The following FN1 variants were observed in gnomAD, a reference collection of about 807,000 sequenced individuals.
FN1 encodes the protein fibronectin.
In FN1, 106 loss-of-function variants were observed where a neutral mutation model predicts 297.3. The observed-to-expected ratio is 0.36, with a 90% confidence interval of 0.30 to 0.42. The LOEUF (loss-of-function observed/expected upper bound fraction) is 0.42. FN1 is among the 10% of genes least tolerant of loss of function. The pLI, the probability that FN1 is intolerant of heterozygous loss-of-function variation, is 1.00. For synonymous variants in FN1, 1,149 were observed against 1,152.6 expected (o/e 1.00, Z 0.06); for missense variants, 2,690 against 3,124.9 (o/e 0.86, Z 3.32).
intron 30 of FN1, 128 bp downstream of exon 30, chr2:215,383,892 T>C (rs2058554689): frequency 2.0e-6 from 2 of 997,300 alleles, no homozygotes; most frequent in South Asian, 1.4e-5. Flanking sequence ...CTGCAGGTGC[T>C]AGCTGCAGGT....
rs975542251 is a variant in FN1, at chr2:215,383,276, G to A, written c.5050+52C>T. On this transcript the variant is annotated intron_variant, in intron 31 of 45. Transcript: ENST00000354785. ...GCCCGCATCAGCCTCCCAAAGTTCT[G>A]GGATTATAGGAGTGAGCCACCGCAC... 1.9e-6 allele frequency: 3 copies of A among 1,587,572 alleles called. No individual in the cohort carries two copies. In the African/African-American group the frequency reaches 4.0e-5, roughly 21 times the overall value.
At chr2:215,401,224 A>AAGAC (rs2061015746) in intron 20 of FN1, among the ~76,000 whole-genome samples, 1 of 60,880 alleles carries the variant, frequency 1.6e-5, no homozygotes, top group African/African-American at 6.5e-5. Context: ...GAAAGAAAGA[A>AAGAC]AGAAAGAAAG....
intron 13 of FN1, among the ~76,000 whole-genome samples, chr2:215,412,520 TC>T (rs2062803776): frequency 6.6e-6 from 1 of 152,098 alleles, no homozygotes; most frequent in Non-Finnish European, 1.5e-5. Flanking sequence ...CACTGCAACT[TC>T]CGCCTCTCAA....
chr2:215,404,480 C>T lies in FN1; in HGVS notation c.3162G>A (p.Arg1054=), dbSNP rs1233768707. ...TGTACTCAGATGCAGGCTGCAGATT[C>T]CTCAGTGGGTACTTGGAGACAGAGG... The part of the protein sequence containing the change: ...VGPSVSKYPL[R]NLQPASEYTV... The change falls in exon 20 of 46, where the codon AGG becomes AGA. Residue 1054 remains arginine (R), a synonymous_variant. Transcript: ENST00000354785. 3.1e-6 allele frequency: 5 copies of T among 1,614,036 alleles called. No individual in the cohort carries two copies. In the Admixed American group the frequency reaches 5.0e-5, roughly 16 times the overall value.
intron 28 of FN1, 33 bp downstream of exon 28, chr2:215,386,656 C>A (rs775169169): frequency 7.9e-6 from 12 of 1,513,682 alleles, no homozygotes; most frequent in Middle Eastern, 1.9e-4. Context: ...GTAGGAAAGT[C>A]TTCTGAGTTT....
chr2:215,373,240 G>T, intron 39 of FN1, 82 bp downstream of exon 39: 1 of 1,075,764 alleles, frequency 9.3e-7, no homozygotes, highest in Non-Finnish European at 1.4e-6. Flanking sequence ...AAAACATGGA[G>T]AACCTTTTCA....
At chr2:215,429,378 T>C (rs2106500447) in intron 5 of FN1, among the ~76,000 whole-genome samples, 1 of 152,344 alleles carries the variant, frequency 6.6e-6, no homozygotes, top group South Asian at 2.1e-4. Context: ...AAATAGATTA[T>C]TTAAATTATA....
intron 44 of FN1, chr2:215,363,212 A>G (rs2053852068): frequency 6.6e-6 from 1 of 152,168 alleles, no homozygotes; most frequent in African/African-American, 2.4e-5. Flanking sequence ...ACTTGAGAAT[A>G]GAATAAGTGT....
At position 215,386,972 on chromosome 2, in the gene FN1, C is replaced by T; in HGVS notation, c.4343-14G>A. The T allele has an allele frequency of 2.5e-6, 4 of 1,606,342 alleles. No individual in the cohort carries two copies. The South Asian group carries it at 4.4e-5, about 18-fold the overall frequency. The stretch of plus-strand genomic sequence containing the variant: ...GGGAATCAAGACCTGTTTTTCCCAC[C>T]CGGGGGAGGAAGAGAAAAAAAAAAG... On this transcript the variant is annotated splice_polypyrimidine_tract_variant and intron_variant, in intron 27 of 45. Coordinates refer to ENST00000354785, the MANE Select transcript of FN1 (RefSeq NM_212482.4).
At chr2:215,401,092 G>C (rs1012939008) in intron 20 of FN1, among the ~76,000 whole-genome samples, 3 of 89,326 alleles carry the variant, frequency 3.4e-5, no homozygotes, top group Middle Eastern at 5.4e-3. Context: ...CATCACACCT[G>C]GCCAAAAAAA....
In FN1 at chr2:215,391,671, A is replaced by C. The variant is rs138759645; in HGVS notation, c.4213T>G (p.Leu1405Val). Residue 1405 changes from leucine to valine, a missense_variant, in exon 26 of 46, where the codon TTG (leucine) becomes GTG (valine). Leu to Val is a conservative substitution (Grantham distance 32). Coordinates refer to ENST00000354785, the MANE Select transcript of FN1 (RefSeq NM_212482.4). Reference sequence around the variant, plus strand: ...GCATTGTCTGAAGGAGAAATTGACAACTCTGCAACATCTTCCTCATTTTTC... The same window carrying C: ...GCATTGTCTGAAGGAGAAATTGACACCTCTGCAACATCTTCCTCATTTTTC... ...PVKNEEDVAE[L>V]SISPSDNAVV... 1.1e-4 allele frequency: 174 copies of C among 1,614,080 alleles called. No individual in the cohort carries two copies. The East Asian group carries it at 3.8e-3, about 35-fold the overall frequency.
Position 215,384,987 on chromosome 2 carries a change from A to T in FN1, c.4613-11T>A. ...TCGGAACATCAGAAACTAGAAAAAA[A>T]AGGGAAACTTTTCACATCCGTAATT... On this transcript the variant is annotated splice_polypyrimidine_tract_variant and intron_variant, in intron 28 of 45. Transcript: ENST00000354785. The T allele has an allele frequency of 1.3e-6, 2 of 1,578,506 alleles. No individual in the cohort carries two copies. Among genetic ancestry groups the T allele is most frequent in the East Asian group, 4.5e-5 (2 of 44,682 alleles).
intron 24 of FN1, 198 bp from the exon 25 acceptor site, chr2:215,393,401 G>GA (rs895792136): frequency 1.4e-5 from 6 of 425,412 alleles, no homozygotes; most frequent in Non-Finnish European, 2.5e-5. Context: ...TTCCCTAGAA[G>GA]AATAAACAGG....
At chr2:215,423,211 CAA>C (rs1553651001) in intron 9 of FN1, 137 bp downstream of exon 9, 39 of 765,540 alleles carry the variant, frequency 5.1e-5, no homozygotes, top group Non-Finnish European at 7.2e-5. Flanking sequence ...CACACACACA[CAA>C]ACACACTTCA....
intron 17 of FN1, among the ~76,000 whole-genome samples, 183 bp downstream of exon 17, chr2:215,407,924 GT>G (rs1446704588): frequency 3.8e-5 from 5 of 131,168 alleles, no homozygotes; most frequent in Non-Finnish European, 8.0e-5. Flanking sequence ...AAGGGGAAAT[GT>G]GCCATAGAAA....
intron 10 of FN1, among the ~76,000 whole-genome samples, chr2:215,421,649 A>T (rs1372109697): frequency 1.3e-5 from 2 of 152,238 alleles, no homozygotes; most frequent in African/African-American, 4.8e-5. Context: ...AAAGGAGAAA[A>T]ACTAATCTGA....
rs768695903 is a variant in FN1 at position 215,404,439 on chromosome 2, G to A, written c.3203C>T (p.Ala1068Val). 16 of 1,614,068 alleles carry A rather than the reference G, an allele frequency of 9.9e-6. No homozygotes were observed. The highest frequency in any genetic ancestry group is 1.4e-5 in the Non-Finnish European group (16 of 1,180,004). Residue 1068 changes from alanine (A) to valine (V), a missense_variant, in exon 20 of 46, where the codon GCC becomes GTC. Physicochemically the swap from Ala to Val is moderately conservative, Grantham distance 64. Around this residue, in one of 3 missense-constraint regions of FN1, gnomAD observed 1,743 missense variants for 1,945.2 expected, o/e 0.90. Transcript: ENST00000354785. ...PASEYTVSLV[A>V]IKGNQESPKA... ...GGGGCTCTCTTGGTTGCCCTTTATG[G>A]CCACGAGGGATACGGTGTACTCAGA...
At chr2:215,412,904 T>C (rs1219982291) in intron 13 of FN1, among the ~76,000 whole-genome samples, 1 of 152,096 alleles carries the variant, frequency 6.6e-6, no homozygotes, top group Non-Finnish European at 1.5e-5. Context: ...TTTTATTTTG[T>C]CTTGAAGTTG....
At chr2:215,378,135 T>C in intron 35 of FN1, 40 bp downstream of exon 35, 1 of 1,177,196 alleles carries the variant, frequency 8.5e-7, no homozygotes, top group South Asian at 1.2e-5. Context: ...TTTTTGTCTA[T>C]ACAGAAGGTT....
Sources: gnomAD v4.1 joint callset for allele counts (sites outside exome capture counted in the v4.1 genomes callset) on GRCh38, gnomAD v4.1.1 for gene constraint, gnomAD v4.1.1 regional missense constraint, MANE v1.5 for transcripts, NCBI Gene and HGNC (gene_info 2026-07-23, HGNC 2026-07-21) for gene names.